ATP6V1C1: variants seen among roughly 807,000 people sequenced by gnomAD.
ATP6V1C1 encodes the protein ATPase H+ transporting V1 subunit C1.
A neutral mutation model predicts 53.9 loss-of-function variants in ATP6V1C1; 45 were observed. That is an observed-to-expected ratio of 0.83 (90% CI 0.66 to 1.07). The LOEUF is 1.07. Among genes scored for constraint, ATP6V1C1 ranks in the 50% least tolerant of loss-of-function variants. The pLI is 0.00. For synonymous variants in ATP6V1C1, 153 were observed against 155.2 expected (o/e 0.99, Z 0.11); for missense variants, 315 against 440.3 (o/e 0.72, Z 2.55).
intron 1 of ATP6V1C1, among the ~76,000 whole-genome samples, chr8:103,034,195 G>A (rs757102030): frequency 6.6e-6 from 1 of 152,158 alleles, no homozygotes; most frequent in Non-Finnish European, 1.5e-5. Context: ...CGCAGAAAGA[G>A]AAGAAGGACA....
At position 103,063,711 on chromosome 8, in the gene ATP6V1C1, A is replaced by G. The variant is rs559597739; in HGVS notation, c.828+483A>G. Among the ~76,000 whole-genome samples the G allele has an allele frequency of 2.6e-5, 4 of 152,258 alleles. No homozygotes were observed. In the East Asian group the frequency reaches 7.7e-4, roughly 29 times the overall value. On this transcript the variant is annotated intron_variant, in intron 10 of 12. Coordinates refer to ENST00000518738, the MANE Select transcript of ATP6V1C1 (RefSeq NM_001695.5). ...AGCTATTGGAGAATTGGTGTGTTCT[A>G]GGTGTAATGGGAAACGAGTGGAATT...
At chr8:103,066,539 T>A in intron 12 of ATP6V1C1, 92 bp downstream of exon 12, 1 of 1,325,116 alleles carries the variant, frequency 7.5e-7, no homozygotes, top group Non-Finnish European at 1.0e-6. Flanking sequence ...GGAGGGTAAG[T>A]ATGAAACTTA....
At chr8:103,045,501 C>T (rs949944124) in intron 3 of ATP6V1C1, among the ~76,000 whole-genome samples, 5 of 152,088 alleles carry the variant, frequency 3.3e-5, no homozygotes, top group African/African-American at 1.2e-4. Flanking sequence ...GGAAAAGCAA[C>T]TTTTAGGATT....
At chr8:103,031,831 A>C (rs1816801305) in intron 1 of ATP6V1C1, among the ~76,000 whole-genome samples, 3 of 152,218 alleles carry the variant, frequency 2.0e-5, no homozygotes, top group Admixed American at 2.0e-4. Flanking sequence ...TCTTGTTTCA[A>C]AAGAAGGAAG....
intron 1 of ATP6V1C1, among the ~76,000 whole-genome samples, chr8:103,039,870 A>G (rs765836040): frequency 1.3e-5 from 2 of 151,884 alleles, no homozygotes; most frequent in Non-Finnish European, 1.5e-5. Context: ...TCAGCTCCCT[A>G]TATTTTAAAA....
At chr8:103,039,774 T>C (rs1019016143) in intron 1 of ATP6V1C1, among the ~76,000 whole-genome samples, 1 of 152,026 alleles carries the variant, frequency 6.6e-6, no homozygotes, top group African/African-American at 2.4e-5. Flanking sequence ...TAGAAGAGGG[T>C]TAGGTGAATC....
At chr8:103,025,685 C>G (rs1298892664) in intron 1 of ATP6V1C1, among the ~76,000 whole-genome samples, 1 of 152,160 alleles carries the variant, frequency 6.6e-6, no homozygotes, top group Non-Finnish European at 1.5e-5. Context: ...ACTAATTTCA[C>G]CAGCTGTTCC....
intron 7 of ATP6V1C1, among the ~76,000 whole-genome samples, chr8:103,054,660 T>C (rs755197605): frequency 5.3e-5 from 8 of 152,118 alleles, no homozygotes; most frequent in Non-Finnish European, 1.2e-4. Context: ...TATTTGATCA[T>C]AGTTAATCTT....
chr8:103,022,672 A>G (rs1586303017), intron 1 of ATP6V1C1, among the ~76,000 whole-genome samples: 1 of 152,194 alleles, frequency 6.6e-6, no homozygotes, highest in East Asian at 1.9e-4. Flanking sequence ...TATATTCTTC[A>G]TACCCTCTCG....
At chr8:103,023,983 C>T (rs746673532) in intron 1 of ATP6V1C1, among the ~76,000 whole-genome samples, 10 of 152,028 alleles carry the variant, frequency 6.6e-5, no homozygotes, top group Non-Finnish European at 1.2e-4. Flanking sequence ...AAGGAATTGG[C>T]AGTGGTGGGC....
intron 1 of ATP6V1C1, among the ~76,000 whole-genome samples, chr8:103,030,777 CT>C (rs926692896): frequency 3.6e-4 from 54 of 151,490 alleles, no homozygotes; most frequent in African/African-American, 1.3e-3. Flanking sequence ...TGGGGGGGGT[CT>C]CTGCAGGAGA....
At position 103,060,550 on chromosome 8, in the gene ATP6V1C1, A is replaced by C. The variant is rs115325113; in HGVS notation, c.642-2405A>C. ...TTTACTAAACCCATACCTGGAGATC[A>C]GGAAATGCTGTCTTAGTTTTATACT... On this transcript the variant is annotated intron_variant, in intron 8 of 12. Transcript: ENST00000518738. Among the ~76,000 whole-genome samples the C allele has an allele frequency of 4.7e-3, 709 of 152,360 alleles. 4 individuals are homozygous for C. Among genetic ancestry groups the C allele is most frequent in the African/African-American group, 0.016 (668 of 41,592 alleles).
chr8:103,067,774 G>T (rs1039863682), intron 12 of ATP6V1C1, among the ~76,000 whole-genome samples: 2 of 151,726 alleles, frequency 1.3e-5, no homozygotes, highest in Non-Finnish European at 2.9e-5. Flanking sequence ...TAGTAGAGCT[G>T]CGGTTTCACC....
At chr8:103,024,532 A>G (rs1816661812) in intron 1 of ATP6V1C1, among the ~76,000 whole-genome samples, 1 of 152,218 alleles carries the variant, frequency 6.6e-6, no homozygotes. Context: ...TAGGAGTACT[A>G]CAGTTTTGAC....
Position 103,040,880 on chromosome 8 carries a change from G to T in ATP6V1C1, c.44G>T (p.Cys15Phe). 1 of 1,614,066 alleles carries T rather than the reference G, an allele frequency of 6.2e-7. No homozygotes were observed. Among genetic ancestry groups the T allele is most frequent in the Non-Finnish European group, 8.5e-7 (1 of 1,179,958 alleles). The change falls in exon 2 of 13, where the codon TGT becomes TTT. Residue 15 changes from cysteine (C) to phenylalanine (F), a missense_variant. Coordinates refer to ENST00000518738, the MANE Select transcript of ATP6V1C1 (RefSeq NM_001695.5). Reference sequence around the variant, plus strand: ...ATATCTGCTCCTGGGGAGAAAACCTGTCAGCAAACATGGGAGAAATTGCAT... The same window carrying T: ...ATATCTGCTCCTGGGGAGAAAACCTTTCAGCAAACATGGGAGAAATTGCAT... ...WLISAPGEKT[C>F]QQTWEKLHAA...
intron 1 of ATP6V1C1, among the ~76,000 whole-genome samples, chr8:103,038,205 C>T (rs980730999): frequency 6.6e-6 from 1 of 152,156 alleles, no homozygotes; most frequent in Non-Finnish European, 1.5e-5. Flanking sequence ...TCAAAATGGC[C>T]TCAGTCACAT....
At chr8:103,041,859 GAGA>G (rs2131389403) in intron 2 of ATP6V1C1, among the ~76,000 whole-genome samples, 1 of 152,268 alleles carries the variant, frequency 6.6e-6, no homozygotes, top group Admixed American at 6.5e-5. Flanking sequence ...GAGACAGAGT[GAGA>G]CTCCGTCTCA....
intron 11 of ATP6V1C1, among the ~76,000 whole-genome samples, chr8:103,065,746 T>C (rs1817477325): frequency 1.3e-5 from 2 of 151,784 alleles, no homozygotes; most frequent in African/African-American, 4.8e-5. Context: ...TATATTACCT[T>C]AAAAATTGAA....
At position 103,064,665 on chromosome 8, in the gene ATP6V1C1, A is replaced by G. The variant is rs59418059; in HGVS notation, c.829-49A>G. The G allele has an allele frequency of 4.8e-4, 729 of 1,510,546 alleles. 4 individuals are homozygous for G. The African/African-American group carries it at 8.4e-3, about 17-fold the overall frequency. 93.6% of individuals were successfully genotyped at this position (1,510,546 alleles called of 1,614,324 possible). A position where few individuals can be genotyped will look rare whatever the true frequency, so the allele number is the denominator to read the frequency against. On this transcript the variant is annotated intron_variant, in intron 10 of 12. Transcript: ENST00000518738. ...CTTAAAAAAATATTTGGTCTATCTA[A>G]TTGCTATTTCTAAGACCAAATTTGT... is the stretch of plus-strand genomic sequence containing the variant.
Sources: gnomAD v4.1 joint callset for allele counts (sites outside exome capture counted in the v4.1 genomes callset) on GRCh38, gnomAD v4.1.1 for gene constraint, MANE v1.5 for transcripts, NCBI Gene and HGNC (gene_info 2026-07-23, HGNC 2026-07-21) for gene names.